Variants in EYS observed in about 807,000 individuals in gnomAD.
EYS encodes EGF-like photoreceptor maintenance factor, also known as protein eyes shut homolog.
Under a neutral mutation model 282.1 loss-of-function variants are expected in EYS, and 250 were observed. The ratio of observed to expected loss-of-function variants is 0.89; its 90% confidence interval spans 0.80 to 0.98. The LOEUF (loss-of-function observed/expected upper bound fraction) is 0.98. Among genes scored for constraint, EYS ranks in the 50% least tolerant of loss-of-function variants. The probability of loss-of-function intolerance (pLI) is 0.00; values close to 1 mark genes in which losing one functional copy is unlikely to be tolerated. For missense variants in EYS, 4,016 were observed against 3,709.0 expected (o/e 1.08, Z -2.15); for synonymous variants, 1,355 against 1,282.9 (o/e 1.06, Z -1.20).
At chr6:64,587,107 A>T (rs1351487688) in intron 26 of EYS, among the ~76,000 whole-genome samples, 1 of 152,120 alleles carries the variant, frequency 6.6e-6, no homozygotes, top group African/African-American at 2.4e-5. Flanking sequence ...CAAAAAGTAC[A>T]CAAAACTCAA....
At chr6:65,443,560 G>A (rs1274575290) in intron 5 of EYS, among the ~76,000 whole-genome samples, 3 of 148,082 alleles carry the variant, frequency 2.0e-5, no homozygotes, top group Non-Finnish European at 4.4e-5. Flanking sequence ...ACGCATACAT[G>A]TATACACACA....
At chr6:64,646,249 C>G (rs1768345469) in intron 22 of EYS, among the ~76,000 whole-genome samples, 1 of 152,072 alleles carries the variant, frequency 6.6e-6, no homozygotes, top group Non-Finnish European at 1.5e-5. Flanking sequence ...ACCCTAAAAT[C>G]TATTTTGAGT....
chr6:64,222,230 C>T (rs144671303), intron 31 of EYS, among the ~76,000 whole-genome samples: 12 of 152,096 alleles, frequency 7.9e-5, no homozygotes, highest in African/African-American at 2.2e-4. Flanking sequence ...AGATAGTTTT[C>T]AATTTCATTA....
At chr6:65,235,050 A>G (rs1766887910) in intron 12 of EYS, among the ~76,000 whole-genome samples, 1 of 152,160 alleles carries the variant, frequency 6.6e-6, no homozygotes, top group South Asian at 2.1e-4. Flanking sequence ...AAGGTTCATT[A>G]AAGTTTTATC....
chr6:64,043,545 C>T (rs9450635), intron 33 of EYS, among the ~76,000 whole-genome samples: 5 of 152,188 alleles, frequency 3.3e-5, no homozygotes, highest in African/African-American at 7.2e-5. Context: ...AGAGTCCTCT[C>T]GAACACCTAG....
At chr6:65,315,480 G>C (rs565599954) in intron 11 of EYS, among the ~76,000 whole-genome samples, 1 of 151,864 alleles carries the variant, frequency 6.6e-6, no homozygotes, top group Non-Finnish European at 1.5e-5. Context: ...TAACTGTTAC[G>C]CTCATTCTAA....
intron 5 of EYS, among the ~76,000 whole-genome samples, chr6:65,471,128 C>T (rs1765197143): frequency 6.6e-6 from 1 of 150,966 alleles, no homozygotes; most frequent in Non-Finnish European, 1.5e-5. Flanking sequence ...CAGAGCACGA[C>T]GCCGTCTCAA....
At chr6:63,749,338 A>G (rs1769284391) in intron 41 of EYS, among the ~76,000 whole-genome samples, 1 of 152,116 alleles carries the variant, frequency 6.6e-6, no homozygotes, top group African/African-American at 2.4e-5. Context: ...TTGCACTGTG[A>G]TCTGACAGAG....
chr6:65,327,152 G>A (rs1769644760), intron 11 of EYS, among the ~76,000 whole-genome samples: 1 of 151,456 alleles, frequency 6.6e-6, no homozygotes, highest in African/African-American at 2.4e-5. Context: ...CTTTTTATCT[G>A]GTTTAACACT....
chr6:65,438,247 A>T (rs1768160222), intron 5 of EYS, among the ~76,000 whole-genome samples: 1 of 151,914 alleles, frequency 6.6e-6, no homozygotes, highest in African/African-American at 2.4e-5. Context: ...TTCTTAATCC[A>T]GTCTATCATT....
intron 1 of EYS, among the ~76,000 whole-genome samples, chr6:65,702,773 G>T (rs1769726482): frequency 6.6e-6 from 1 of 151,958 alleles, no homozygotes. Context: ...ACATATGTGT[G>T]TGTGTGGGTG....
At chr6:65,701,106 T>C (rs1362386371) in intron 1 of EYS, among the ~76,000 whole-genome samples, 1 of 152,196 alleles carries the variant, frequency 6.6e-6, no homozygotes, top group Non-Finnish European at 1.5e-5. Context: ...CTCAGGAGTA[T>C]ATATCCAGGA....
At chr6:64,738,256 C>T (rs1045413998) in intron 22 of EYS, among the ~76,000 whole-genome samples, 13 of 152,160 alleles carry the variant, frequency 8.5e-5, no homozygotes, top group Non-Finnish European at 1.5e-4. Context: ...GATACCCTCC[C>T]TACAGTAATG....
intron 22 of EYS, among the ~76,000 whole-genome samples, chr6:64,775,747 T>C (rs1773659893): frequency 6.6e-6 from 1 of 152,136 alleles, no homozygotes. Context: ...TTTTTGTTTT[T>C]ATTTGGAAAT....
chr6:65,372,982 T>C (rs1048678999), intron 8 of EYS, among the ~76,000 whole-genome samples: 2 of 152,108 alleles, frequency 1.3e-5, no homozygotes, highest in African/African-American at 2.4e-5. Context: ...AAGAAATATA[T>C]TTTTGTTCTC....
At chr6:64,755,718 A>G (rs1258710756) in intron 22 of EYS, among the ~76,000 whole-genome samples, 2 of 152,094 alleles carry the variant, frequency 1.3e-5, no homozygotes, top group African/African-American at 4.8e-5. Context: ...TAGAGAGTGG[A>G]ATAATAGACA....
chr6:64,149,812 C>G (rs906736928), intron 31 of EYS, among the ~76,000 whole-genome samples: 1 of 152,206 alleles, frequency 6.6e-6, no homozygotes, highest in East Asian at 1.9e-4. Context: ...GTTAACCTCA[C>G]AGATCACCTT....
chr6:64,486,842 G>A (rs909090723), intron 26 of EYS, among the ~76,000 whole-genome samples: 6 of 151,300 alleles, frequency 4.0e-5, no homozygotes. Flanking sequence ...GGAAGGAGGT[G>A]ACCATATTCC....
At chr6:64,681,808 T>TA (rs1769908221) in intron 22 of EYS, among the ~76,000 whole-genome samples, 2 of 152,308 alleles carry the variant, frequency 1.3e-5, no homozygotes, top group East Asian at 1.9e-4. Context: ...TGGCGGGAGT[T>TA]ACGTGCTACG....
Sources: gnomAD v4.1 joint callset for allele counts (sites outside exome capture counted in the v4.1 genomes callset) on GRCh38, gnomAD v4.1.1 for gene constraint, MANE v1.5 for transcripts, NCBI Gene and HGNC (gene_info 2026-07-23, HGNC 2026-07-21) for gene names.